GC: variants seen among roughly 807,000 people sequenced by gnomAD.
The protein encoded by GC is vitamin D-binding protein.
A neutral mutation model predicts 56.7 loss-of-function variants in GC; 43 were observed. That is an observed-to-expected ratio of 0.76 (90% CI 0.59 to 0.98). The LOEUF (loss-of-function observed/expected upper bound fraction) is 0.98. Among genes scored for constraint, GC ranks in the 50% least tolerant of loss-of-function variants. The pLI is 0.00. For synonymous variants in GC, 216 were observed against 202.7 expected (o/e 1.07, Z -0.56); for missense variants, 529 against 545.9 (o/e 0.97, Z 0.31).
At chr4:71,789,627 G>A (rs1742923789) in intron 1 of GC, among the ~76,000 whole-genome samples, 1 of 152,054 alleles carries the variant, frequency 6.6e-6, no homozygotes, top group East Asian at 1.9e-4. Context: ...GGAAAAGGCA[G>A]AATAATGGCC....
intron 12 of GC, among the ~76,000 whole-genome samples, chr4:71,744,458 C>CAAAAAA (rs35292398): frequency 2.4e-5 from 2 of 83,712 alleles, no homozygotes; most frequent in African/African-American, 5.3e-5. Context: ...GACTCCATCT[C>CAAAAAA]AAAAAAAAAA....
chr4:71,804,358 C>G (rs1352163447), upstream of GC, among the ~76,000 whole-genome samples: 1 of 152,154 alleles, frequency 6.6e-6, no homozygotes, highest in East Asian at 1.9e-4. Context: ...TATTTTTCCC[C>G]CTTTTGGGGA....
At position 71,756,894 on chromosome 4, in the gene GC, T is replaced by C. The variant is rs777458169; in HGVS notation, c.852A>G (p.Lys284=). The C allele has an allele frequency of 6.2e-7, 1 of 1,611,752 alleles. No homozygotes were observed. The highest frequency in any genetic ancestry group is 8.5e-7 in the Non-Finnish European group (1 of 1,177,954). The change falls in exon 8 of 13, where the codon AAA becomes AAG. Residue 284 remains lysine (K), a synonymous_variant. Coordinates refer to ENST00000273951, the MANE Select transcript of GC (RefSeq NM_000583.4). ...MAKELPEHTV[K]LCDNLSTKNS... ...TCTTTGTGGATAAATTGTCACAGAG[T>C]TTTACTGTGTGTTCAGGCAGCTACA...
chr4:71,746,891 A>G (rs918466823), intron 11 of GC, among the ~76,000 whole-genome samples: 1 of 150,450 alleles, frequency 6.6e-6, no homozygotes, highest in Non-Finnish European at 1.5e-5. Context: ...TAGAGATGGG[A>G]TTGGAATGTG....
intron 6 of GC, among the ~76,000 whole-genome samples, chr4:71,761,372 G>A (rs1409070839): frequency 6.6e-6 from 1 of 152,162 alleles, no homozygotes; most frequent in African/African-American, 2.4e-5. Context: ...GCATTCAAGA[G>A]GTGAATTGAG....
chr4:71,776,029 G>A (rs1001273332), intron 1 of GC, among the ~76,000 whole-genome samples: 1 of 151,932 alleles, frequency 6.6e-6, no homozygotes, highest in Non-Finnish European at 1.5e-5. Context: ...GTGGAGAAAA[G>A]GGAACTCTTT....
At position 71,794,905 on chromosome 4, in the gene GC, T is replaced by G. The variant is rs572833587; in HGVS notation, c.21+9021A>C. ...AGAACATCTTTATTTCTGCTTTCAT[T>G]TCGTTATTTACCCAGTAGTCATTCA... On this transcript the variant is annotated intron_variant, in intron 1 of 13. Transcript: ENST00000504199. 5.3e-5 allele frequency among the ~76,000 whole-genome samples: 8 copies of G among 152,334 alleles called. No homozygotes were observed. In the South Asian group the frequency reaches 1.7e-3, roughly 32 times the overall value.
upstream of GC, among the ~76,000 whole-genome samples, chr4:71,787,319 G>T (rs1020772291): frequency 2.0e-5 from 3 of 151,822 alleles, no homozygotes; most frequent in Admixed American, 6.6e-5. Context: ...ATTAGGTACG[G>T]TTGAACTACT....
At chr4:71,758,207 C>T in intron 6 of GC, 36 bp from the exon 7 acceptor site, 1 of 1,587,694 alleles carries the variant, frequency 6.3e-7, no homozygotes, top group Non-Finnish European at 8.6e-7. Context: ...AGCTTATCAA[C>T]ATTCTCAGTT....
At chr4:71,762,678 G>T (rs556448637) in intron 6 of GC, among the ~76,000 whole-genome samples, 69 of 152,258 alleles carry the variant, frequency 4.5e-4, no homozygotes, top group African/African-American at 1.6e-3. Context: ...GGTCTTTCCT[G>T]TGCTGTTCTC....
intron 12 of GC, among the ~76,000 whole-genome samples, chr4:71,742,717 G>A (rs751319068): frequency 3.3e-5 from 5 of 152,232 alleles, no homozygotes; most frequent in African/African-American, 7.2e-5. Context: ...GCTCACGCCT[G>A]TAATCCCAGC....
intron 11 of GC, among the ~76,000 whole-genome samples, chr4:71,748,129 A>G (rs372351928): frequency 6.6e-6 from 1 of 152,168 alleles, no homozygotes; most frequent in East Asian, 1.9e-4. Context: ...AAAAGGGGGA[A>G]TTAAAATATT....
rs184865027 is a variant in GC at position 71,797,309 on chromosome 4, G to A, written c.21+6617C>T. ...GCCCACTGAGGTGACATCTGTAGAGGCAGTAGGCCTTGCTGAGCTGTGGTG... is the reference window on the plus strand; with the variant it reads ...GCCCACTGAGGTGACATCTGTAGAGACAGTAGGCCTTGCTGAGCTGTGGTG... On this transcript the variant is annotated intron_variant, in intron 1 of 13. Transcript: ENST00000504199. 1.4e-3 allele frequency among the ~76,000 whole-genome samples: 214 copies of A among 152,374 alleles called. 1 individual carries two copies. The highest frequency in any genetic ancestry group is 4.9e-3 in the African/African-American group (205 of 41,596).
intron 12 of GC, among the ~76,000 whole-genome samples, chr4:71,743,312 GT>G (rs1385951127): frequency 6.6e-6 from 1 of 152,136 alleles, no homozygotes; most frequent in African/African-American, 2.4e-5. Context: ...TGGCTTAATG[GT>G]TTTAGGAACT....
intron 1 of GC, among the ~76,000 whole-genome samples, chr4:71,778,891 G>GTTATTGTTGTTATTA (rs71213587): frequency 2.1e-5 from 3 of 143,318 alleles, no homozygotes; most frequent in Non-Finnish European, 4.5e-5. Flanking sequence ...ATTGCTGTCA[G>GTTATTGTTGTTATTA]TTATTATTAT....
In GC at chr4:71,744,873, T is replaced by A. The variant is rs1364250027; in HGVS notation, c.*25+1278A>T. 3.3e-5 allele frequency among the ~76,000 whole-genome samples: 5 copies of A among 152,206 alleles called. No individual in the cohort carries two copies. The East Asian group carries it at 9.6e-4, about 29-fold the overall frequency. ...GCAGCAACAGAGATCAGAAACTATT[T>A]TAACTCTAGAATATTTACACTTCAA... On this transcript the variant is annotated intron_variant, in intron 12 of 12. Transcript: ENST00000273951.
intron 11 of GC, among the ~76,000 whole-genome samples, chr4:71,747,416 G>T (rs949618362): frequency 8.5e-5 from 13 of 152,130 alleles, no homozygotes; most frequent in Non-Finnish European, 1.8e-4. Flanking sequence ...GGTAAAGGAA[G>T]AGGACAATAT....
At chr4:71,761,114 G>A (rs774621547) in intron 6 of GC, among the ~76,000 whole-genome samples, 38 of 152,164 alleles carry the variant, frequency 2.5e-4, no homozygotes, top group Non-Finnish European at 5.3e-4. Context: ...GGGAAAGTTT[G>A]AAACTTCCTA....
upstream of GC, among the ~76,000 whole-genome samples, chr4:71,788,853 A>T (rs1031962886): frequency 2.0e-5 from 3 of 151,954 alleles, no homozygotes; most frequent in Non-Finnish European, 1.5e-5. Flanking sequence ...ATGCCATAAT[A>T]ATCACTGTTA....
Sources: allele counts gnomAD v4.1 joint callset (sites outside exome capture counted in the v4.1 genomes callset), GRCh38; gene constraint gnomAD v4.1.1; transcripts MANE v1.5; gene names NCBI Gene and HGNC (gene_info 2026-07-23, HGNC 2026-07-21).